FOCAD: variants seen among roughly 807,000 people sequenced by gnomAD.
FOCAD encodes KIAA1797.
FOCAD carries 198 observed loss-of-function variants against 225.6 expected under a neutral mutation model. The ratio of observed to expected loss-of-function variants is 0.88; its 90% CI spans 0.78 to 0.99. The LOEUF (loss-of-function observed/expected upper bound fraction) is 0.99, where lower values mean the gene tolerates loss of function less well. Among genes scored for constraint, FOCAD ranks in the 50% least tolerant of loss-of-function variants. The probability of loss-of-function intolerance (pLI) is 0.00; values close to 1 mark genes in which losing one functional copy is unlikely to be tolerated. For missense variants in FOCAD, 2,713 were observed against 2,123.6 expected, an observed-to-expected ratio of 1.28 and a Z score of -5.46; for synonymous variants, 897 against 755.0, an observed-to-expected ratio of 1.19 and a Z score of -3.08.
At chr9:20,956,580 A>C (rs1021106012) in intron 35 of FOCAD, among the ~76,000 whole-genome samples, 1 of 152,222 alleles carries the variant, frequency 6.6e-6, no homozygotes, top group Non-Finnish European at 1.5e-5. Context: ...CTTTACATGC[A>C]AATGGACATA....
intron 2 of FOCAD, among the ~76,000 whole-genome samples, chr9:20,678,276 G>T (rs1822292396): frequency 6.6e-6 from 1 of 152,188 alleles, no homozygotes; most frequent in South Asian, 2.1e-4. Context: ...AAAAGTGGTT[G>T]TAGTTATTAG....
Position 20,874,706 on chromosome 9 carries a change from A to G in FOCAD, c.2216A>G (p.Glu739Gly). 3.7e-6 allele frequency: 6 copies of G among 1,613,540 alleles called. No individual in the cohort carries two copies. The highest frequency in any genetic ancestry group is 5.1e-6 in the Non-Finnish European group (6 of 1,179,656). The stretch of plus-strand genomic sequence containing the variant: ...ATAAGACCAGAAATTCCCATTCCTG[A>G]AGAGTTAGATGACGATGAAGATGTT... ...EKIRPEIPIP[E>G]ELDDDEDVED... Residue 739 changes from glutamate (E) to glycine (G), a missense_variant, in exon 19 of 44, where the codon GAA becomes GGA. Physicochemically the swap from Glu to Gly is moderately conservative, Grantham distance 98. Coordinates refer to ENST00000338382, the MANE Select transcript of FOCAD (RefSeq NM_001375567.1).
chr9:20,775,075 G>C (rs7862230), intron 8 of FOCAD, among the ~76,000 whole-genome samples: 7 of 152,124 alleles, frequency 4.6e-5, no homozygotes, highest in African/African-American at 1.7e-4. Flanking sequence ...TTATCAGCTG[G>C]ATGTCTTGTT....
intron 8 of FOCAD, among the ~76,000 whole-genome samples, chr9:20,774,316 T>C (rs1818540974): frequency 6.6e-6 from 1 of 152,220 alleles, no homozygotes; most frequent in South Asian, 2.1e-4. Flanking sequence ...TGGTGTGTTC[T>C]GTCATCAAGA....
At chr9:20,950,161 G>A (rs1322568093) in intron 33 of FOCAD, among the ~76,000 whole-genome samples, 1 of 151,640 alleles carries the variant, frequency 6.6e-6, no homozygotes, top group East Asian at 1.9e-4. Flanking sequence ...TATGTTTGTT[G>A]CATAAAATTT....
chr9:20,991,184 C>T (rs1475973877), intron 42 of FOCAD, among the ~76,000 whole-genome samples: 1 of 152,196 alleles, frequency 6.6e-6, no homozygotes, highest in African/African-American at 2.4e-5. Flanking sequence ...TGAGGTTCCC[C>T]AGGCTACTAG....
intron 1 of FOCAD, among the ~76,000 whole-genome samples, chr9:20,693,681 C>T (rs1823118838): frequency 6.6e-6 from 1 of 152,018 alleles, no homozygotes; most frequent in African/African-American, 2.4e-5. Context: ...TCCTGGTCTC[C>T]TTTGCAAGTA....
chr9:20,656,739 A>C (rs1821489976), upstream of FOCAD, among the ~76,000 whole-genome samples: 1 of 152,132 alleles, frequency 6.6e-6, no homozygotes, highest in Non-Finnish European at 1.5e-5. Flanking sequence ...CCAATTTGCC[A>C]GTCTGTGTCT....
chr9:20,961,135 C>T (rs1315374175), intron 35 of FOCAD, among the ~76,000 whole-genome samples: 1 of 151,460 alleles, frequency 6.6e-6, no homozygotes, highest in Non-Finnish European at 1.5e-5. Flanking sequence ...AGAAATGGCT[C>T]CTCTCCTCTC....
At chr9:20,744,795 A>G (rs992099835) in intron 5 of FOCAD, among the ~76,000 whole-genome samples, 9 of 152,194 alleles carry the variant, frequency 5.9e-5, no homozygotes, top group African/African-American at 1.9e-4. Context: ...ATATAAATAA[A>G]GTTTTTATGT....
chr9:20,805,565 C>T (rs1408053957), intron 11 of FOCAD, among the ~76,000 whole-genome samples: 1 of 151,932 alleles, frequency 6.6e-6, no homozygotes, highest in Non-Finnish European at 1.5e-5. Flanking sequence ...CTTTCTCTTC[C>T]TTCCATTATT....
intron 1 of FOCAD, among the ~76,000 whole-genome samples, chr9:20,708,284 G>T (rs1215792626): frequency 6.6e-6 from 1 of 152,198 alleles, no homozygotes; most frequent in Non-Finnish European, 1.5e-5. Flanking sequence ...AGCTTAATTT[G>T]TGGGAGGAAG....
intron 28 of FOCAD, among the ~76,000 whole-genome samples, chr9:20,933,783 A>G (rs1418529655): frequency 6.6e-6 from 1 of 152,120 alleles, no homozygotes; most frequent in Non-Finnish European, 1.5e-5. Context: ...TGTTTAAGGA[A>G]TCTCCACACT....
At chr9:20,734,307 A>G (rs930989332) in intron 4 of FOCAD, among the ~76,000 whole-genome samples, 5 of 152,200 alleles carry the variant, frequency 3.3e-5, no homozygotes, top group African/African-American at 1.2e-4. Context: ...AACCAGGGTA[A>G]TCTGAAGTCA....
chr9:20,685,383 C>G (rs1822604396), intron 1 of FOCAD, among the ~76,000 whole-genome samples: 1 of 152,060 alleles, frequency 6.6e-6, no homozygotes, highest in Non-Finnish European at 1.5e-5. Context: ...GTTTCCTGAA[C>G]TGTGTTAACA....
chr9:20,658,720 T>C (rs1378871027), exon 2 of FOCAD: 1 of 160,008 alleles, frequency 6.2e-6, no homozygotes, highest in Non-Finnish European at 1.3e-5. Flanking sequence ...CAGATGGAAA[T>C]GCAGAAATCA....
chr9:20,826,948 C>T (rs1182097641), intron 15 of FOCAD, among the ~76,000 whole-genome samples: 7 of 152,092 alleles, frequency 4.6e-5, no homozygotes, highest in African/African-American at 1.7e-4. Context: ...ATCCCAGCCA[C>T]CATCATTTGC....
At chr9:20,796,790 C>A (rs1052348646) in intron 11 of FOCAD, among the ~76,000 whole-genome samples, 1 of 151,958 alleles carries the variant, frequency 6.6e-6, no homozygotes, top group Admixed American at 6.6e-5. Context: ...ATGGTAGTTT[C>A]TTTTGCTGTG....
At chr9:20,782,972 G>C (rs1819530450) in intron 10 of FOCAD, among the ~76,000 whole-genome samples, 2 of 152,170 alleles carry the variant, frequency 1.3e-5, no homozygotes, top group African/African-American at 2.4e-5. Flanking sequence ...AGAAGTTCTT[G>C]CATCAGCCCT....
Sources: gnomAD v4.1 joint callset for allele counts (sites outside exome capture counted in the v4.1 genomes callset) on GRCh38, gnomAD v4.1.1 for gene constraint, MANE v1.5 for transcripts, NCBI Gene and HGNC (gene_info 2026-07-23, HGNC 2026-07-21) for gene names.